Variants in GTF3C1 observed in about 807,000 individuals in gnomAD.
GTF3C1 encodes the protein general transcription factor IIIC subunit 1, also known as general transcription factor 3C polypeptide 1.
A neutral mutation model predicts 226.7 loss-of-function variants in GTF3C1; 57 were observed. The ratio of observed to expected loss-of-function variants is 0.25; its 90% CI spans 0.20 to 0.31. GTF3C1 has a LOEUF of 0.31. GTF3C1 is among the 10% of genes least tolerant of loss of function. The probability of loss-of-function intolerance (pLI) is 1.00; values close to 1 mark genes in which losing one functional copy is unlikely to be tolerated. For missense variants in GTF3C1, 2,217 were observed against 2,776.1 expected (o/e 0.80, Z 4.53); for synonymous variants, 1,090 against 1,084.8 (o/e 1.00, Z -0.09).
At position 27,469,632 on chromosome 16, in the gene GTF3C1, C is replaced by T; in HGVS notation, c.4815-82G>A. On this transcript the variant is annotated intron_variant, in intron 31 of 36. Transcript: ENST00000356183. This position sits in a 1 kb window ranked among gnomAD's most constrained non-coding sequence, Gnocchi z 4.5. The stretch of plus-strand genomic sequence containing the variant: ...GCCTCTCCCCTCCCTCAAGAGGCCT[C>T]TGTGGCTGGGCTTCAGCAGTGGCCC... 6.7e-7 allele frequency: 1 copy of T among 1,494,116 alleles called. No individual in the cohort carries two copies. Among genetic ancestry groups the T allele is most frequent in the Non-Finnish European group, 9.1e-7 (1 of 1,094,760 alleles). The allele number at this position is 1,494,116 out of a possible 1,614,324, so 92.6% of individuals were successfully genotyped here.
chr16:27,495,085 T>A (rs2088295397), intron 15 of GTF3C1, 126 bp downstream of exon 15: 1 of 864,578 alleles, frequency 1.2e-6, no homozygotes, highest in African/African-American at 1.7e-5. Flanking sequence ...GAAGTGTGGA[T>A]TATGTTTCCA....
chr16:27,504,993 C>T (rs2088462147), intron 10 of GTF3C1, among the ~76,000 whole-genome samples: 1 of 152,058 alleles, frequency 6.6e-6, no homozygotes, highest in Non-Finnish European at 1.5e-5. Context: ...AAAAGCCACC[C>T]GAGACCATGC....
intron 6 of GTF3C1, 149 bp downstream of exon 6, chr16:27,528,449 G>A: frequency 1.5e-6 from 1 of 662,772 alleles, no homozygotes; most frequent in Non-Finnish European, 2.6e-6. Flanking sequence ...GGACAGTCCT[G>A]AGCCAGGCAC....
At chr16:27,535,543 C>A (rs2088987702) in intron 4 of GTF3C1, among the ~76,000 whole-genome samples, 1 of 150,724 alleles carries the variant, frequency 6.6e-6, no homozygotes, top group Non-Finnish European at 1.5e-5. Context: ...CCACTGCGCT[C>A]CAGCCTAGGC....
At position 27,462,196 on chromosome 16, in the gene GTF3C1, G is replaced by T; in HGVS notation, c.6117+98C>A. 1 of 792,214 alleles carries T rather than the reference G, an allele frequency of 1.3e-6. No homozygotes were observed. The allele number at this position is 792,214 out of a possible 1,614,324, so 49.1% of individuals were successfully genotyped here. Reference sequence around the variant, plus strand: ...GGAGGAGGTGCAGGCAAGCAGTATGGTGGTACTGCATGTTGCCTGGGGCCT... The same window carrying T: ...GGAGGAGGTGCAGGCAAGCAGTATGTTGGTACTGCATGTTGCCTGGGGCCT... On this transcript the variant is annotated intron_variant, in intron 36 of 36. Coordinates refer to ENST00000356183, the MANE Select transcript of GTF3C1 (RefSeq NM_001520.4). The surrounding 1 kb of genome is among the most constrained non-coding windows in gnomAD (Gnocchi z 4.5).
chr16:27,476,011 G>A (rs2087945445), intron 29 of GTF3C1, among the ~76,000 whole-genome samples: 1 of 152,182 alleles, frequency 6.6e-6, no homozygotes, highest in Admixed American at 6.5e-5. Context: ...GAGAGATGAG[G>A]AAAGCTGGCC....
rs745371011 is a variant in GTF3C1, at chr16:27,488,620, C to T, written c.3445G>A (p.Glu1149Lys). The T allele has an allele frequency of 1.2e-6, 2 of 1,613,192 alleles. No homozygotes were observed. The highest frequency in any genetic ancestry group is 2.2e-5 in the South Asian group (2 of 91,066). ...TGGAGCCTCACTGTGAGTCCATTCT[C>T]TGCGGCAGTGTTCTCCTGTGAGACA... ...NQAKKENTAA[E>K]NGLTVRLQTF... Residue 1149 changes from glutamate to lysine, a missense_variant, in exon 22 of 37, where the codon GAG becomes AAG. Glu to Lys is a moderately conservative substitution (Grantham distance 56). Coordinates refer to ENST00000356183, the MANE Select transcript of GTF3C1 (RefSeq NM_001520.4).
intron 20 of GTF3C1, 77 bp downstream of exon 20, chr16:27,489,525 A>G: frequency 8.4e-7 from 1 of 1,185,664 alleles, no homozygotes; most frequent in East Asian, 2.5e-5. Context: ...CCTAAGCCAG[A>G]CAAGGGCGGG....
intron 2 of GTF3C1, among the ~76,000 whole-genome samples, chr16:27,539,434 C>T (rs1343425921): frequency 6.6e-6 from 1 of 152,228 alleles, no homozygotes; most frequent in Non-Finnish European, 1.5e-5. Flanking sequence ...CATTCCCCAT[C>T]GCTGATGATG....
intron 5 of GTF3C1, among the ~76,000 whole-genome samples, chr16:27,530,026 G>C (rs1328249417): frequency 6.6e-6 from 1 of 152,166 alleles, no homozygotes; most frequent in African/African-American, 2.4e-5. Flanking sequence ...TGCAGCCCCT[G>C]GCAGGTTACC....
At chr16:27,523,522 G>A (rs1374463655) in intron 6 of GTF3C1, among the ~76,000 whole-genome samples, 1 of 152,036 alleles carries the variant, frequency 6.6e-6, no homozygotes. Context: ...GAAAGACAAA[G>A]CTCAAGGCAA....
At chr16:27,521,530 C>G (rs2141427327) in intron 6 of GTF3C1, among the ~76,000 whole-genome samples, 1 of 152,374 alleles carries the variant, frequency 6.6e-6, no homozygotes, top group Middle Eastern at 3.4e-3. Context: ...TGGGGGAGAT[C>G]AGCGGGGAAG....
chr16:27,517,337 C>G (rs1246229661), intron 6 of GTF3C1, among the ~76,000 whole-genome samples: 1 of 152,184 alleles, frequency 6.6e-6, no homozygotes, highest in Non-Finnish European at 1.5e-5. Flanking sequence ...TTCCAGACTA[C>G]AAGTCAGCTA....
In GTF3C1 at chr16:27,465,535, G is replaced by A. The variant is rs970781235; in HGVS notation, c.5080C>T (p.Pro1694Ser). Residue 1694 changes from proline (P) to serine (S), a missense_variant, in exon 33 of 37, where the codon CCT (proline) becomes TCT (serine). This residue lies in a region of GTF3C1 where 455 missense variants were observed against 441.9 expected (regional missense o/e 1.03). Coordinates refer to ENST00000356183, the MANE Select transcript of GTF3C1 (RefSeq NM_001520.4). ...VPARLRPAAAPLEELTMGTSC... is the reference protein window; with the variant it reads ...VPARLRPAAASLEELTMGTSC... ...GTTCCCATTGTTAGCTCTTCCAGAG[G>A]AGCGGCTGTGGGGACACAGAGGAAG... 1 of 1,596,952 alleles carries A rather than the reference G, an allele frequency of 6.3e-7. No individual in the cohort carries two copies. The highest frequency in any genetic ancestry group is 8.5e-7 in the Non-Finnish European group (1 of 1,178,102).
In GTF3C1 at chr16:27,503,111, G is replaced by GT. The variant is rs1020989481; in HGVS notation, c.1771-117_1771-116insA. ...AGAAACTTCTACTCCCATCTTTCAA[G>GT]AAGGGAAGCCAAGAAGCCTGTTCTC... On this transcript the variant is annotated intron_variant, in intron 10 of 36. Coordinates refer to ENST00000356183, the MANE Select transcript of GTF3C1 (RefSeq NM_001520.4). 1.7e-5 allele frequency: 12 copies of GT among 694,704 alleles called. No individual in the cohort carries two copies. In the African/African-American group the frequency reaches 2.1e-4, roughly 12 times the overall value. 43.0% of individuals were successfully genotyped at this position (694,704 alleles called of 1,614,324 possible).
rs996232139 is a variant in GTF3C1 at position 27,462,023 on chromosome 16, C to G, written c.6117+271G>C. 2.1e-6 allele frequency: 1 copy of G among 466,494 alleles called. No individual in the cohort carries two copies. The highest frequency in any genetic ancestry group is 1.9e-5 in the African/African-American group (1 of 51,810). 28.9% of individuals were successfully genotyped at this position (466,494 alleles called of 1,614,324 possible). A position where few individuals can be genotyped will look rare whatever the true frequency, so the allele number is the denominator to read the frequency against. On this transcript the variant is annotated intron_variant, in intron 36 of 36. Coordinates refer to ENST00000356183, the MANE Select transcript of GTF3C1 (RefSeq NM_001520.4). This position sits in a 1 kb window ranked among gnomAD's most constrained non-coding sequence, Gnocchi z 4.5. ...CAGCTGCTTGACCCGTGGGGCCCGG[C>G]GGACTCATGAGTTAGTGACCCCTGG...
chr16:27,462,417 T>A lies in GTF3C1; in HGVS notation c.5994A>T (p.Val1998=), dbSNP rs1194158385. 1 of 1,613,064 alleles carries A rather than the reference T, an allele frequency of 6.2e-7. No individual in the cohort carries two copies. Among genetic ancestry groups the A allele is most frequent in the Admixed American group, 1.7e-5 (1 of 59,930 alleles). The change falls in exon 36 of 37, where the codon GTA becomes GTT. Residue 1998 remains valine (V), a synonymous_variant. Coordinates refer to ENST00000356183, the MANE Select transcript of GTF3C1 (RefSeq NM_001520.4). The surrounding 1 kb of genome is among the most constrained non-coding windows in gnomAD (Gnocchi z 4.5). ...GCATGGCCTCCATCATACCCTTGCA[T>A]ACAGGAAGGTTCAGGTGGCCATCCA... ...RVVDGHLNLP[V]CKGMMEAMLY... is the part of the protein sequence containing the mutation.
intron 27 of GTF3C1, 122 bp from the exon 28 acceptor site, chr16:27,478,653 C>A: frequency 1.3e-6 from 1 of 771,552 alleles, no homozygotes; most frequent in East Asian, 2.5e-5. Context: ...ATGTTAAACT[C>A]ACCAAATGTC....
At chr16:27,525,468 CTTCT>C (rs1385229947) in intron 6 of GTF3C1, among the ~76,000 whole-genome samples, 2 of 152,190 alleles carry the variant, frequency 1.3e-5, no homozygotes, top group African/African-American at 4.8e-5. Context: ...CCAGCTGTTC[CTTCT>C]TTGTTTATAT....
Sources: gnomAD v4.1 joint callset for allele counts (sites outside exome capture counted in the v4.1 genomes callset) on GRCh38, gnomAD v4.1.1 for gene constraint, gnomAD v4.1.1 regional missense constraint, Gnocchi (gnomAD v3.1) non-coding constraint, MANE v1.5 for transcripts, NCBI Gene and HGNC (gene_info 2026-07-23, HGNC 2026-07-21) for gene names.